The following GABRG3 variants were observed in gnomAD, a reference collection of about 807,000 sequenced individuals.
The protein encoded by GABRG3 is gamma-aminobutyric acid receptor subunit gamma-3.
A neutral mutation model predicts 48.8 loss-of-function variants in GABRG3; 25 were observed. The observed-to-expected ratio is 0.51, with a 90% CI of 0.37 to 0.72. GABRG3 has a LOEUF of 0.72. Ranked by LOEUF, GABRG3 falls within the 30% of genes least tolerant of loss-of-function variation. The pLI, the probability that GABRG3 is intolerant of heterozygous loss-of-function variation, is 0.00. For missense variants in GABRG3, 394 were observed against 577.9 expected (o/e 0.68, Z 3.26); for synonymous variants, 227 against 217.6 (o/e 1.04, Z -0.38).
At chr15:27,192,992 G>C (rs1441689588) in intron 3 of GABRG3, among the ~76,000 whole-genome samples, 1 of 152,140 alleles carries the variant, frequency 6.6e-6, no homozygotes, top group Non-Finnish European at 1.5e-5. Context: ...TCCAGACCCT[G>C]TTTGCCTGGG....
chr15:27,528,817 A>G (rs187247700), intron 9 of GABRG3, among the ~76,000 whole-genome samples: 2 of 152,220 alleles, frequency 1.3e-5, no homozygotes, highest in Admixed American at 1.3e-4. Context: ...AGTGGTGTAT[A>G]TGTTACATAT....
intron 5 of GABRG3, among the ~76,000 whole-genome samples, chr15:27,461,475 A>G (rs1211845772): frequency 1.3e-5 from 2 of 152,182 alleles, no homozygotes; most frequent in East Asian, 3.9e-4. Flanking sequence ...ACTTAAAGAT[A>G]GTGCCCACCC....
rs1051070302 is a variant in GABRG3, at chr15:26,976,462, T to A, written c.54-540T>A. On this transcript the variant is annotated intron_variant, in intron 1 of 9. Coordinates refer to ENST00000615808, the MANE Select transcript of GABRG3 (RefSeq NM_033223.5). This position sits in a 1 kb window ranked among gnomAD's most constrained non-coding sequence, Gnocchi z 7.8. Reference sequence around the variant, plus strand: ...CTGAGTGCCGGCAAAGCAGACCCCCTCACAATGCTCAAGTGCCTAGACCCC... The same window carrying A: ...CTGAGTGCCGGCAAAGCAGACCCCCACACAATGCTCAAGTGCCTAGACCCC... Among the ~76,000 whole-genome samples the A allele has an allele frequency of 1.3e-5, 2 of 152,046 alleles. No homozygotes were observed. Among genetic ancestry groups the A allele is most frequent in the Non-Finnish European group, 2.9e-5 (2 of 68,008 alleles).
In GABRG3 at chr15:27,296,755, G is replaced by C. The variant is rs546146896; in HGVS notation, c.271-30054G>C. On this transcript the variant is annotated intron_variant, in intron 3 of 9. Transcript: ENST00000615808. ...GCTCGGGCAATTATGCACAGTACCT[G>C]AGACTTCATAATAATAATAAATGAC... Among the ~76,000 whole-genome samples, 177 of 152,124 alleles carry C rather than the reference G, an allele frequency of 1.2e-3. 1 individual carries two copies. In the Middle Eastern group the frequency reaches 0.02, roughly 18 times the overall value.
intron 1 of GABRG3, 112 bp downstream of exon 1, chr15:26,971,700 C>T (rs1315613185): frequency 3.2e-6 from 4 of 1,241,924 alleles, no homozygotes; most frequent in African/African-American, 3.2e-5. Context: ...GGCTGCGGCA[C>T]GGCGGGCCGG....
chr15:27,380,631 C>G (rs1895736856), intron 5 of GABRG3, among the ~76,000 whole-genome samples: 1 of 152,026 alleles, frequency 6.6e-6, no homozygotes, highest in African/African-American at 2.4e-5. Flanking sequence ...TTGGTCTCCC[C>G]TGTTGTCTTT....
In GABRG3 at chr15:27,541,667, C is replaced by CAGTA. The variant is rs1289313057; in HGVS notation, c.*8787_*8790dup. The stretch of plus-strand genomic sequence containing the variant: ...GGACCCGCCCTCACCAAGTGGCCTC[C>CAGTA]AGTAGCCCCTGTGTCCCTGTCGTCC... On this transcript the variant is annotated 3_prime_UTR_variant, in exon 10 of 10. Transcript: ENST00000615808. 5.2e-5 allele frequency: 8 copies of CAGTA among 152,446 alleles called. No individual in the cohort carries two copies. In the East Asian group the frequency reaches 1.2e-3, roughly 22 times the overall value. 9.4% of individuals were successfully genotyped at this position (152,446 alleles called of 1,614,324 possible).
At chr15:27,512,960 A>G (rs1403475240) in intron 6 of GABRG3, among the ~76,000 whole-genome samples, 1 of 152,208 alleles carries the variant, frequency 6.6e-6, no homozygotes, top group Non-Finnish European at 1.5e-5. Flanking sequence ...CTGATGGAGG[A>G]CATGTATATT....
intron 3 of GABRG3, among the ~76,000 whole-genome samples, chr15:27,139,314 A>G (rs573291024): frequency 3.3e-5 from 5 of 152,186 alleles, no homozygotes; most frequent in Non-Finnish European, 5.9e-5. Context: ...CACAGGCCAG[A>G]GAACCTGGCA....
intron 5 of GABRG3, among the ~76,000 whole-genome samples, chr15:27,347,017 G>GGTTT (rs1894397942): frequency 6.6e-6 from 1 of 151,626 alleles, no homozygotes; most frequent in Admixed American, 6.6e-5. Flanking sequence ...ATGCCTTATA[G>GGTTT]TTTTTTAAAG....
intron 3 of GABRG3, among the ~76,000 whole-genome samples, chr15:27,073,563 C>G (rs985968470): frequency 2.0e-5 from 3 of 152,252 alleles, no homozygotes; most frequent in African/African-American, 7.2e-5. Flanking sequence ...TATCATATAG[C>G]TCCAGATGCA....
intron 3 of GABRG3, among the ~76,000 whole-genome samples, chr15:27,042,782 G>C (rs575374630): frequency 3.3e-5 from 5 of 152,224 alleles, no homozygotes; most frequent in Non-Finnish European, 7.3e-5. Context: ...GACTCTCACC[G>C]TCGGGTCTGA....
At chr15:27,061,326 G>A (rs567581655) in intron 3 of GABRG3, among the ~76,000 whole-genome samples, 6 of 152,252 alleles carry the variant, frequency 3.9e-5, no homozygotes, top group South Asian at 4.1e-4. Context: ...TGAGAACACC[G>A]CACTGCCTGC....
intron 3 of GABRG3, among the ~76,000 whole-genome samples, chr15:27,235,746 T>G (rs189042997): frequency 8.5e-5 from 13 of 152,262 alleles, no homozygotes; most frequent in Admixed American, 7.8e-4. Context: ...TTCAAAGAAA[T>G]ATCTTAGACT....
At chr15:27,515,209 C>T (rs1595804603) in intron 6 of GABRG3, among the ~76,000 whole-genome samples, 1 of 152,150 alleles carries the variant, frequency 6.6e-6, no homozygotes, top group East Asian at 1.9e-4. Context: ...TCTCCTGCCT[C>T]AGCCTCCTAA....
chr15:27,438,205 C>A lies in GABRG3; in HGVS notation c.575-42445C>A, dbSNP rs1888677118. On this transcript the variant is annotated intron_variant, in intron 5 of 9. Coordinates refer to ENST00000615808, the MANE Select transcript of GABRG3 (RefSeq NM_033223.5). The stretch of plus-strand genomic sequence containing the variant: ...TCAGAAGCCAGCCAGGTTCCACTCT[C>A]CTGAAAATAGCGTGGGATTATTTAA... 2.0e-5 allele frequency among the ~76,000 whole-genome samples: 3 copies of A among 152,190 alleles called. No homozygotes were observed. In the South Asian group the frequency reaches 6.2e-4, roughly 31 times the overall value.
chr15:27,350,100 G>A (rs1337721215), intron 5 of GABRG3: 11 of 455,784 alleles, frequency 2.4e-5, no homozygotes, highest in South Asian at 1.2e-4. Flanking sequence ...CTCTTATCAC[G>A]TTTTTCTTCC....
intron 3 of GABRG3, among the ~76,000 whole-genome samples, chr15:27,308,384 T>C (rs1892813126): frequency 6.9e-6 from 1 of 144,990 alleles, no homozygotes; most frequent in Non-Finnish European, 1.5e-5. Flanking sequence ...CATTTGTTTA[T>C]ATATAAACAT....
intron 3 of GABRG3, among the ~76,000 whole-genome samples, chr15:27,219,554 C>T (rs189576475): frequency 8.5e-4 from 129 of 152,254 alleles, no homozygotes; most frequent in African/African-American, 3.0e-3. Context: ...ATCCTGTGGC[C>T]CTGGATGCAG....
Sources: gnomAD v4.1 joint callset for allele counts (sites outside exome capture counted in the v4.1 genomes callset) on GRCh38, gnomAD v4.1.1 for gene constraint, Gnocchi (gnomAD v3.1) non-coding constraint, MANE v1.5 for transcripts, NCBI Gene and HGNC (gene_info 2026-07-23, HGNC 2026-07-21) for gene names.